Variants in ATP8A2 observed in about 807,000 individuals in gnomAD.
ATP8A2 encodes phospholipid-transporting ATPase IB.
A neutral mutation model predicts 165.6 loss-of-function variants in ATP8A2; 100 were observed. That is an observed-to-expected ratio of 0.60 (90% CI 0.51 to 0.71). ATP8A2 has a LOEUF of 0.71. ATP8A2 is among the 30% of genes least tolerant of loss of function. The probability of loss-of-function intolerance (pLI) is 0.00; values close to 1 mark genes in which losing one functional copy is unlikely to be tolerated. For synonymous variants in ATP8A2, 543 were observed against 548.8 expected, an observed-to-expected ratio of 0.99 and a Z score of 0.15; for missense variants, 1,227 against 1,479.5, an observed-to-expected ratio of 0.83 and a Z score of 2.80.
At chr13:26,013,029 G>A (rs1956882405) in intron 36 of ATP8A2, among the ~76,000 whole-genome samples, 1 of 152,118 alleles carries the variant, frequency 6.6e-6, no homozygotes, top group Non-Finnish European at 1.5e-5. Context: ...CTCCCAGGAA[G>A]GCTGCCCCAC....
intron 30 of ATP8A2, among the ~76,000 whole-genome samples, chr13:25,842,668 T>C (rs1310207760): frequency 1.1e-5 from 1 of 93,040 alleles, no homozygotes; most frequent in Non-Finnish European, 2.2e-5. Flanking sequence ...CAAAACTCTG[T>C]CAAAAAAAAA....
intron 11 of ATP8A2, among the ~76,000 whole-genome samples, chr13:25,552,460 T>C (rs2038853733): frequency 6.6e-6 from 1 of 152,234 alleles, no homozygotes; most frequent in African/African-American, 2.4e-5. Context: ...AATGCAATTT[T>C]ATGATGCTTT....
chr13:25,728,885 T>C (rs1397523652), intron 25 of ATP8A2, among the ~76,000 whole-genome samples: 1 of 152,206 alleles, frequency 6.6e-6, no homozygotes, highest in Non-Finnish European at 1.5e-5. Flanking sequence ...TTAGTTCTCA[T>C]ATGCGTGCTC....
At chr13:25,701,723 AACACACACACACACAC>A (rs71077495) in intron 25 of ATP8A2, among the ~76,000 whole-genome samples, 13 of 140,480 alleles carry the variant, frequency 9.3e-5, no homozygotes, top group South Asian at 7.3e-4. Flanking sequence ...TTGATACTAA[AACACACACACACACAC>A]ACACACACAC....
At chr13:25,938,718 G>A (rs558674138) in intron 33 of ATP8A2, among the ~76,000 whole-genome samples, 4 of 152,336 alleles carry the variant, frequency 2.6e-5, no homozygotes, top group Admixed American at 2.0e-4. Flanking sequence ...GTTCTCCAGA[G>A]GGGCTAGGAA....
intron 36 of ATP8A2, among the ~76,000 whole-genome samples, chr13:26,015,509 C>G (rs1956949986): frequency 6.6e-6 from 1 of 152,014 alleles, no homozygotes; most frequent in Non-Finnish European, 1.5e-5. Flanking sequence ...TCTTTCCAGA[C>G]AGGAAACTGC....
At chr13:25,513,497 C>T (rs1035976226) in intron 2 of ATP8A2, among the ~76,000 whole-genome samples, 8 of 151,524 alleles carry the variant, frequency 5.3e-5, no homozygotes, top group African/African-American at 1.9e-4. Flanking sequence ...CAGAGGGGCT[C>T]CTCACGTCCC....
chr13:25,518,766 C>T (rs2137827445), intron 2 of ATP8A2, among the ~76,000 whole-genome samples: 1 of 152,270 alleles, frequency 6.6e-6, no homozygotes, highest in East Asian at 1.9e-4. Flanking sequence ...TAGACCCAGA[C>T]CCATATTTTG....
At chr13:25,735,069 A>T (rs2043737804) in intron 25 of ATP8A2, among the ~76,000 whole-genome samples, 1 of 152,162 alleles carries the variant, frequency 6.6e-6, no homozygotes, top group Admixed American at 6.5e-5. Context: ...ACAGTACCTA[A>T]AATGTAATTT....
At chr13:25,667,041 A>T (rs991446904) in intron 24 of ATP8A2, among the ~76,000 whole-genome samples, 1 of 152,196 alleles carries the variant, frequency 6.6e-6, no homozygotes, top group African/African-American at 2.4e-5. Context: ...TGAACAATTC[A>T]GTATATTTAG....
At chr13:25,565,777 T>TA (rs397826966) in intron 16 of ATP8A2, among the ~76,000 whole-genome samples, 5 of 151,844 alleles carry the variant, frequency 3.3e-5, no homozygotes, top group African/African-American at 1.2e-4. Context: ...CATTTTTTTT[T>TA]ATTGCATTTG....
chr13:25,612,340 T>C (rs1047368125), intron 24 of ATP8A2, among the ~76,000 whole-genome samples: 1 of 152,192 alleles, frequency 6.6e-6, no homozygotes. Context: ...GTACCACTGT[T>C]ATTATTCAGT....
At chr13:26,008,300 A>T (rs1258044408) in intron 35 of ATP8A2, among the ~76,000 whole-genome samples, 1 of 152,250 alleles carries the variant, frequency 6.6e-6, no homozygotes, top group Non-Finnish European at 1.5e-5. Flanking sequence ...AGAGAAGGGT[A>T]GTATGTAAGA....
chr13:25,977,023 T>G (rs920558283), intron 35 of ATP8A2, among the ~76,000 whole-genome samples: 5 of 123,708 alleles, frequency 4.0e-5, no homozygotes, highest in Non-Finnish European at 8.4e-5. Context: ...CCTGACCTTG[T>G]GATCCACCCC....
chr13:25,567,565 G>A (rs2039352394), intron 16 of ATP8A2, among the ~76,000 whole-genome samples: 1 of 152,132 alleles, frequency 6.6e-6, no homozygotes, highest in Non-Finnish European at 1.5e-5. Flanking sequence ...CAAACACAGA[G>A]ACTTCAAGGG....
rs1476812538 is a variant in ATP8A2, at chr13:25,708,834, AT to A, written c.2384+9493del. Among the ~76,000 whole-genome samples, 3 of 152,194 alleles carry A rather than the reference AT, an allele frequency of 2.0e-5. No homozygotes were observed. In the East Asian group the frequency reaches 5.8e-4, roughly 29 times the overall value. On this transcript the variant is annotated intron_variant, in intron 25 of 36. Coordinates refer to ENST00000381655, the MANE Select transcript of ATP8A2 (RefSeq NM_016529.6). Reference sequence around the variant, plus strand: ...TAGTCTTATTTAGGGTCACAAGTAAATTTTGTCAGCAGGAGCTAGGTCAGAC... The same window carrying A: ...TAGTCTTATTTAGGGTCACAAGTAAATTTGTCAGCAGGAGCTAGGTCAGAC...
At chr13:25,874,703 C>T (rs911044979) in intron 33 of ATP8A2, among the ~76,000 whole-genome samples, 3 of 152,120 alleles carry the variant, frequency 2.0e-5, no homozygotes, top group Non-Finnish European at 4.4e-5. Context: ...AATTTGGTTA[C>T]CCCACTTCTG....
intron 1 of ATP8A2, among the ~76,000 whole-genome samples, chr13:25,388,865 C>T (rs1382211055): frequency 6.6e-6 from 1 of 152,116 alleles, no homozygotes; most frequent in African/African-American, 2.4e-5. Flanking sequence ...GCATGAAACA[C>T]AGGCTGAAGG....
intron 34 of ATP8A2, among the ~76,000 whole-genome samples, chr13:25,964,268 T>A (rs1314288920): frequency 6.6e-6 from 1 of 152,200 alleles, no homozygotes; most frequent in Non-Finnish European, 1.5e-5. Flanking sequence ...GGAATATTTG[T>A]CCGAAGCACA....
Sources: allele counts gnomAD v4.1 joint callset (sites outside exome capture counted in the v4.1 genomes callset), GRCh38; gene constraint gnomAD v4.1.1; transcripts MANE v1.5; gene names NCBI Gene and HGNC (gene_info 2026-07-23, HGNC 2026-07-21).